AGMO: variants seen among roughly 807,000 people sequenced by gnomAD.
AGMO encodes the protein glyceryl-ether monooxygenase.
A neutral mutation model predicts 60.2 loss-of-function variants in AGMO; 75 were observed. The ratio of observed to expected loss-of-function variants is 1.25; its 90% CI spans 1.03 to 1.51. AGMO has a LOEUF of 1.51. Among genes scored for constraint, AGMO ranks in the 40% most tolerant of loss-of-function variants. The pLI, the probability that AGMO is intolerant of heterozygous loss-of-function variation, is 0.00. For synonymous variants in AGMO, 261 were observed against 177.1 expected, an observed-to-expected ratio of 1.47 and a Z score of -3.76; for missense variants, 763 against 525.5, an observed-to-expected ratio of 1.45 and a Z score of -4.42.
chr7:15,216,587 A>G (rs1161829195), intron 12 of AGMO, among the ~76,000 whole-genome samples: 1 of 152,140 alleles, frequency 6.6e-6, no homozygotes, highest in Non-Finnish European at 1.5e-5. Context: ...AAGAATAATG[A>G]TAAAAAATAA....
chr7:15,178,798 AT>A, the AGMO span, among the ~76,000 whole-genome samples: 1 of 152,040 alleles, frequency 6.6e-6, no homozygotes, highest in Non-Finnish European at 1.5e-5. Context: ...CAGTCTGGTA[AT>A]TTATTTATTT....
intron 2 of AGMO, among the ~76,000 whole-genome samples, chr7:15,547,749 G>A (rs527456608): frequency 4.5e-4 from 68 of 152,082 alleles, no homozygotes; most frequent in East Asian, 9.7e-4. Flanking sequence ...AGGGGCGCCC[G>A]CCATTGCCCG....
At chr7:15,331,413 TA>T (rs746623519) in intron 12 of AGMO, among the ~76,000 whole-genome samples, 2 of 151,964 alleles carry the variant, frequency 1.3e-5, no homozygotes, top group Non-Finnish European at 2.9e-5. Context: ...AATGAAAAAA[TA>T]TATATAATGA....
chr7:15,215,340 A>T (rs998447370), intron 12 of AGMO, among the ~76,000 whole-genome samples: 3 of 152,040 alleles, frequency 2.0e-5, no homozygotes, highest in African/African-American at 7.2e-5. Flanking sequence ...TGTATGTGGA[A>T]ATTTTATTTT....
intron 12 of AGMO, among the ~76,000 whole-genome samples, chr7:15,249,532 G>T (rs1318156103): frequency 1.3e-5 from 2 of 152,030 alleles, no homozygotes; most frequent in African/African-American, 4.8e-5. Flanking sequence ...TTTTAATCAG[G>T]GCAGAAGGAT....
At chr7:15,373,854 T>A (rs1783335571) in intron 10 of AGMO, among the ~76,000 whole-genome samples, 1 of 152,178 alleles carries the variant, frequency 6.6e-6, no homozygotes, top group Non-Finnish European at 1.5e-5. Flanking sequence ...CCTGACAAGG[T>A]CTACAAAAGT....
At chr7:15,162,862 A>G in the AGMO span, among the ~76,000 whole-genome samples, 1 of 152,116 alleles carries the variant, frequency 6.6e-6, no homozygotes, top group Non-Finnish European at 1.5e-5. Flanking sequence ...GGTCCCATAT[A>G]AATTGTAAAA....
At chr7:15,403,646 T>C (rs1284923630) in intron 5 of AGMO, among the ~76,000 whole-genome samples, 1 of 152,006 alleles carries the variant, frequency 6.6e-6, no homozygotes, top group Non-Finnish European at 1.5e-5. Context: ...GTCAACATAT[T>C]AAAATAGTTT....
rs75332942 is a variant in AGMO at position 15,462,684 on chromosome 7, C to T, written c.410-31576G>A. ...CAAATTTCTATTCACAAAACTTTTT[C>T]ACCAGTGCAAGAAAAATTAAGCTCT... On this transcript the variant is annotated intron_variant, in intron 3 of 12. Transcript: ENST00000342526. 2.8e-4 allele frequency among the ~76,000 whole-genome samples: 42 copies of T among 152,228 alleles called. No homozygotes were observed. In the East Asian group the frequency reaches 7.0e-3, roughly 25 times the overall value.
intron 6 of AGMO, among the ~76,000 whole-genome samples, chr7:15,393,087 A>G (rs1374078361): frequency 6.6e-6 from 1 of 152,238 alleles, no homozygotes; most frequent in Non-Finnish European, 1.5e-5. Flanking sequence ...CGAAGAATTA[A>G]AAGTCGAACC....
At chr7:15,436,956 A>T (rs1781420404) in intron 3 of AGMO, among the ~76,000 whole-genome samples, 1 of 152,202 alleles carries the variant, frequency 6.6e-6, no homozygotes. Flanking sequence ...TTTTAAGTTT[A>T]GATTGAAAAC....
rs545400505 is a variant in AGMO, at chr7:15,426,476, C to A, written c.513+4529G>T. ...CAAAAACCAAAATCTTCCCCAGGCG[C>A]GGTGGCTCATGCTTATAATCCCACC... On this transcript the variant is annotated intron_variant, in intron 4 of 12. Coordinates refer to ENST00000342526, the MANE Select transcript of AGMO (RefSeq NM_001004320.2). Among the ~76,000 whole-genome samples, 17 of 152,092 alleles carry A rather than the reference C, an allele frequency of 1.1e-4. No individual in the cohort carries two copies. In the East Asian group the frequency reaches 1.2e-3, roughly 10 times the overall value.
intron 12 of AGMO, among the ~76,000 whole-genome samples, chr7:15,336,234 A>G (rs993648412): frequency 1.3e-5 from 2 of 152,178 alleles, no homozygotes; most frequent in African/African-American, 2.4e-5. Context: ...AAAGAAATTC[A>G]TAACATTCAC....
intron 3 of AGMO, among the ~76,000 whole-genome samples, chr7:15,453,282 GA>G (rs1363887641): frequency 1.3e-5 from 2 of 152,038 alleles, no homozygotes; most frequent in East Asian, 3.9e-4. Context: ...AAAGAAAGGG[GA>G]AAAAAGAAGC....
intron 3 of AGMO, among the ~76,000 whole-genome samples, chr7:15,446,020 C>T (rs964829056): frequency 6.6e-6 from 1 of 152,134 alleles, no homozygotes; most frequent in Non-Finnish European, 1.5e-5. Context: ...TTGTTGAAAA[C>T]ATCTTATAAT....
intron 2 of AGMO, among the ~76,000 whole-genome samples, chr7:15,548,922 T>C (rs1784866996): frequency 6.8e-6 from 1 of 146,404 alleles, no homozygotes; most frequent in African/African-American, 2.7e-5. Context: ...GAGAGAAAGG[T>C]CGGGTTACCC....
At chr7:15,118,977 TA>T in the AGMO span, among the ~76,000 whole-genome samples, 1 of 123,396 alleles carries the variant, frequency 8.1e-6, no homozygotes, top group Non-Finnish European at 1.7e-5. Context: ...AACACAGAAT[TA>T]AGCTATTGGG....
chr7:15,323,621 T>C (rs930648649), intron 12 of AGMO, among the ~76,000 whole-genome samples: 2 of 152,118 alleles, frequency 1.3e-5, no homozygotes, highest in East Asian at 3.9e-4. Flanking sequence ...AGACAGAAAA[T>C]AACGCGCTGA....
chr7:15,397,254 C>T (rs935807192), intron 5 of AGMO, among the ~76,000 whole-genome samples: 3 of 152,062 alleles, frequency 2.0e-5, no homozygotes, highest in Admixed American at 2.0e-4. Flanking sequence ...CGCATGGTAC[C>T]CAGACCCTGA....
Sources: allele counts gnomAD v4.1 joint callset (sites outside exome capture counted in the v4.1 genomes callset), GRCh38; gene constraint gnomAD v4.1.1; transcripts MANE v1.5; gene names NCBI Gene and HGNC (gene_info 2026-07-23, HGNC 2026-07-21).